RPL10A: variants seen among roughly 807,000 people sequenced by gnomAD.
The protein encoded by RPL10A is large ribosomal subunit protein uL1.
Under a neutral mutation model 24.6 loss-of-function variants are expected in RPL10A, and 11 were observed. That is an observed-to-expected ratio of 0.45 (90% CI 0.28 to 0.74). The LOEUF is 0.74. RPL10A is among the 30% of genes least tolerant of loss of function. The pLI is 0.13. For missense variants in RPL10A, 136 were observed against 273.1 expected (o/e 0.50, Z 3.54); for synonymous variants, 98 against 108.5 (o/e 0.90, Z 0.60).
rs1561799762 is a variant in RPL10A at position 35,469,475 on chromosome 6, G to A, written c.256G>A (p.Asp86Asn). 1 of 1,613,898 alleles carries A rather than the reference G, an allele frequency of 6.2e-7. No homozygotes were observed. The highest frequency in any genetic ancestry group is 8.5e-7 in the Non-Finnish European group (1 of 1,179,980). Residue 86 changes from aspartate (D) to asparagine (N), a missense_variant, in exon 4 of 6, where the codon GAC (aspartate) becomes AAC (asparagine). Coordinates refer to ENST00000322203, the MANE Select transcript of RPL10A (RefSeq NM_007104.5). The stretch of plus-strand genomic sequence containing the variant: ...TAAGGCCGTGGATATCCCCCACATG[G>A]ACATCGAGGCGCTGAAAAAACTCAA... ...EAKAVDIPHM[D>N]IEALKKLNKN...
chr6:35,468,517 CGCGCCGCGGACCCTTGCGCCACCT>C (rs45604031), intron 1 of RPL10A, 78 bp downstream of exon 1: 15 of 1,611,570 alleles, frequency 9.3e-6, no homozygotes, highest in Admixed American at 5.0e-5. Context: ...TCCTGTAGGC[CGCGCCGCGGACCCTTGCGCCACCT>C]GCGCCGCGGG....
intron 4 of RPL10A, among the ~76,000 whole-genome samples, chr6:35,469,926 G>A (rs890642742): frequency 3.3e-5 from 5 of 152,160 alleles, no homozygotes; most frequent in Non-Finnish European, 5.9e-5. Context: ...CAGAGCATCC[G>A]TTGTACAGCG....
chr6:35,470,071 G>A lies in RPL10A; in HGVS notation c.311-108G>A. Reference sequence around the variant, plus strand: ...CGGGGTCTTAGAGAGGGTGCTGCTTGGAGGTCACTTACATGATTGATTCAA... The same window carrying A: ...CGGGGTCTTAGAGAGGGTGCTGCTTAGAGGTCACTTACATGATTGATTCAA... On this transcript the variant is annotated intron_variant, in intron 4 of 5. Coordinates refer to ENST00000322203, the MANE Select transcript of RPL10A (RefSeq NM_007104.5). This position sits in a 1 kb window ranked among gnomAD's most constrained non-coding sequence, Gnocchi z 4.6. 1 of 1,019,454 alleles carries A rather than the reference G, an allele frequency of 9.8e-7. No individual in the cohort carries two copies. The highest frequency in any genetic ancestry group is 1.5e-6 in the Non-Finnish European group (1 of 688,730). 63.2% of individuals were successfully genotyped at this position (1,019,454 alleles called of 1,614,324 possible).
intron 4 of RPL10A, 41 bp downstream of exon 4, chr6:35,469,570 TGG>T: frequency 6.3e-7 from 1 of 1,593,706 alleles, no homozygotes; most frequent in Non-Finnish European, 8.5e-7. Context: ...AGATGTGTGG[TGG>T]GGGCGGTAGA....
chr6:35,469,358 T>C (rs774934708), intron 3 of RPL10A, 23 bp from the exon 4 acceptor site: 1 of 1,584,060 alleles, frequency 6.3e-7, no homozygotes, highest in African/African-American at 1.4e-5. Context: ...CGTAACCTGT[T>C]GGTGCTGTCC....
In RPL10A at chr6:35,468,863, A is replaced by G. The variant is rs138325091; in HGVS notation, c.70A>G (p.Lys24Glu). The G allele has an allele frequency of 6.2e-7, 1 of 1,612,692 alleles. No homozygotes were observed. ...VREVLHGNQRKRRKFLETVEL... is the reference protein window; with the variant it reads ...VREVLHGNQRERRKFLETVEL... ...GGAAGTCCTGCACGGGAACCAGCGCAAGCGCCGCAAGTGAGTGCCGACCCT... is the reference window on the plus strand; with the variant it reads ...GGAAGTCCTGCACGGGAACCAGCGCGAGCGCCGCAAGTGAGTGCCGACCCT... The change falls in exon 2 of 6, where the codon AAG becomes GAG. Residue 24 changes from lysine to glutamate, a missense_variant. Transcript: ENST00000322203.
intron 3 of RPL10A, 64 bp from the exon 4 acceptor site, chr6:35,469,317 C>T: frequency 1.3e-6 from 2 of 1,525,940 alleles, no homozygotes; most frequent in Non-Finnish European, 1.8e-6. Context: ...GGTCCCAGAC[C>T]CTTCACCGGC....
At position 35,470,223 on chromosome 6, in the gene RPL10A, C is replaced by T; in HGVS notation, c.355C>T (p.Gln119Ter). Reference sequence around the variant, plus strand: ...TTTGGCCTCAGAGTCTCTGATCAAGCAGATTCCACGAATCCTCGGCCCAGG... The same window carrying T: ...TTTGGCCTCAGAGTCTCTGATCAAGTAGATTCCACGAATCCTCGGCCCAGG... ...AFLASESLIK[Q>*]IPRILGPGLN... The change falls in exon 5 of 6, where the codon CAG (glutamine) becomes TAG (stop). Residue 119 changes from glutamine (Q) to a stop codon, truncating the protein, a stop_gained. Transcript: ENST00000322203. LOFTEE classifies it high-confidence loss of function. The surrounding 1 kb of genome is among the most constrained non-coding windows in gnomAD (Gnocchi z 4.6). The T allele has an allele frequency of 6.2e-7, 1 of 1,613,280 alleles. No individual in the cohort carries two copies. The highest frequency in any genetic ancestry group is 8.5e-7 in the Non-Finnish European group (1 of 1,179,836).
chr6:35,469,558 T>TGA (rs749630283), intron 4 of RPL10A, 29 bp downstream of exon 4: 1 of 1,606,072 alleles, frequency 6.2e-7, no homozygotes, highest in South Asian at 1.1e-5. Flanking sequence ...GTTTTGCATG[T>TGA]GAGATGTGTG....
chr6:35,469,603 G>A, intron 4 of RPL10A, 74 bp downstream of exon 4: 1 of 1,497,266 alleles, frequency 6.7e-7, no homozygotes, highest in Admixed American at 2.2e-5. Flanking sequence ...TGCCATTTTC[G>A]ATTTTTAAAT....
At position 35,468,431 on chromosome 6, in the gene RPL10A, A is replaced by G. The variant is rs564153440; in HGVS notation, c.-4A>G. 4 of 1,614,046 alleles carry G rather than the reference A, an allele frequency of 2.5e-6. No homozygotes were observed. Among genetic ancestry groups the G allele is most frequent in the Non-Finnish European group, 3.4e-6 (4 of 1,179,934 alleles). On this transcript the variant is annotated 5_prime_UTR_variant, in exon 1 of 6. Coordinates refer to ENST00000322203, the MANE Select transcript of RPL10A (RefSeq NM_007104.5). ...CTTTTCCGGTTAGCGCGGCGTGAGAAGCCATGAGGTGAGTTGGTCCTGAAA... is the reference window on the plus strand; with the variant it reads ...CTTTTCCGGTTAGCGCGGCGTGAGAGGCCATGAGGTGAGTTGGTCCTGAAA...
chr6:35,468,723 A>G, intron 1 of RPL10A, 76 bp from the exon 2 acceptor site: 1 of 1,545,704 alleles, frequency 6.5e-7, no homozygotes. Context: ...CTCGAAGCCT[A>G]GACCTCGGAG....
chr6:35,468,907 C>T (rs368228296), intron 2 of RPL10A, 34 bp downstream of exon 2: 1 of 1,613,214 alleles, frequency 6.2e-7, no homozygotes, highest in Non-Finnish European at 8.5e-7. Context: ...GCGCGGGTGG[C>T]GAGGGCCGGC....
At chr6:35,468,629 G>T in intron 1 of RPL10A, 170 bp from the exon 2 acceptor site, 1 of 1,522,762 alleles carries the variant, frequency 6.6e-7, no homozygotes, top group East Asian at 2.5e-5. Context: ...TCTTCCACCG[G>T]GGCTTGGGTC....
In RPL10A at chr6:35,470,185, A is replaced by G. The variant is rs1389642176; in HGVS notation, c.317A>G (p.Lys106Arg). ...NKKLVKKLAK[K>R]YDAFLASESL... is the part of the protein sequence containing the mutation. ...GGCTTCCTCTCTCTATCAGCCAAGA[A>G]GTATGATGCGTTTTTGGCCTCAGAG... The change falls in exon 5 of 6, where the codon AAG (lysine) becomes AGG (arginine). Residue 106 changes from lysine to arginine, a missense_variant. By Grantham distance (26) the Lys-to-Arg change is conservative (BLOSUM62 2). Around this residue, in one of 3 missense-constraint regions of RPL10A, gnomAD observed 88 missense variants for 149.2 expected, o/e 0.59. Coordinates refer to ENST00000322203, the MANE Select transcript of RPL10A (RefSeq NM_007104.5). The surrounding 1 kb of genome is among the most constrained non-coding windows in gnomAD (Gnocchi z 4.6). 6.2e-7 allele frequency: 1 copy of G among 1,612,962 alleles called. No individual in the cohort carries two copies. Among genetic ancestry groups the G allele is most frequent in the African/African-American group, 1.3e-5 (1 of 74,894 alleles).
chr6:35,468,742 G>A, intron 1 of RPL10A, 57 bp from the exon 2 acceptor site: 1 of 1,551,318 alleles, frequency 6.4e-7, no homozygotes, highest in African/African-American at 1.4e-5. Flanking sequence ...AGGCTTCCAG[G>A]CAGTCCGAGC....
At chr6:35,469,233 C>T in intron 3 of RPL10A, 148 bp from the exon 4 acceptor site, 2 of 1,484,400 alleles carry the variant, frequency 1.3e-6, no homozygotes, top group Non-Finnish European at 1.8e-6. Flanking sequence ...CGGCCGAGCC[C>T]GCCGGCCAGC....
chr6:35,470,492 C>A lies in RPL10A; in HGVS notation c.484-88C>A. The A allele has an allele frequency of 6.7e-7, 1 of 1,502,200 alleles. No homozygotes were observed. The highest frequency in any genetic ancestry group is 9.1e-7 in the Non-Finnish European group (1 of 1,097,004). 93.1% of individuals were successfully genotyped at this position (1,502,200 alleles called of 1,614,324 possible). On this transcript the variant is annotated intron_variant, in intron 5 of 5. Transcript: ENST00000322203. This position sits in a 1 kb window ranked among gnomAD's most constrained non-coding sequence, Gnocchi z 4.6. ...CCTGGTCTTGGCCCGGGTCCAAGTA[C>A]CTGCTCACCAGGCCACTGGGGGAGG...
At chr6:35,469,561 G>T (rs1269705135) in intron 4 of RPL10A, 32 bp downstream of exon 4, 1 of 1,604,512 alleles carries the variant, frequency 6.2e-7, no homozygotes, top group Non-Finnish European at 8.5e-7. Context: ...TTGCATGTGA[G>T]ATGTGTGGTG....
Sources: allele counts gnomAD v4.1 joint callset (sites outside exome capture counted in the v4.1 genomes callset), GRCh38; gene constraint gnomAD v4.1.1; regional missense constraint gnomAD v4.1.1; non-coding constraint Gnocchi (gnomAD v3.1); transcripts MANE v1.5; gene names NCBI Gene and HGNC (gene_info 2026-07-23, HGNC 2026-07-21).